FARS2: variants seen among roughly 807,000 people sequenced by gnomAD.
FARS2 encodes phenylalanyl-tRNA synthetase 2, mitochondrial.
In FARS2, 40 loss-of-function variants were observed where a neutral mutation model predicts 46.4. The ratio of observed to expected loss-of-function variants is 0.86; its 90% confidence interval spans 0.67 to 1.12. The LOEUF (loss-of-function observed/expected upper bound fraction) is 1.12. FARS2 is among the 50% of genes most tolerant of loss of function. FARS2 has a pLI of 0.00. For missense variants in FARS2, 513 were observed against 567.9 expected (o/e 0.90, Z 0.98); for synonymous variants, 234 against 214.9 (o/e 1.09, Z -0.78).
At chr6:5,572,622 G>A (rs138833184) in intron 5 of FARS2, among the ~76,000 whole-genome samples, 97 of 152,028 alleles carry the variant, frequency 6.4e-4, no homozygotes, top group African/African-American at 2.1e-3. Flanking sequence ...CCCCAAGCCC[G>A]TAACAAGTAG....
At chr6:5,654,244 C>G (rs1410982914) in intron 6 of FARS2, among the ~76,000 whole-genome samples, 1 of 152,120 alleles carries the variant, frequency 6.6e-6, no homozygotes, top group Non-Finnish European at 1.5e-5. Context: ...GACATAACAT[C>G]CTTTCTGGAC....
upstream of FARS2, among the ~76,000 whole-genome samples, chr6:5,257,633 G>A (rs1475010118): frequency 1.3e-5 from 2 of 152,202 alleles, no homozygotes; most frequent in Non-Finnish European, 2.9e-5. Flanking sequence ...TCTCCTGTCA[G>A]ATCAGCGGCG....
chr6:5,255,907 T>A, the FARS2 span, among the ~76,000 whole-genome samples: 1 of 152,208 alleles, frequency 6.6e-6, no homozygotes, highest in Admixed American at 6.5e-5. Flanking sequence ...TATTCCTAGA[T>A]AATTCATCTA....
At chr6:5,520,609 C>T (rs1769072849) in intron 4 of FARS2, among the ~76,000 whole-genome samples, 2 of 152,194 alleles carry the variant, frequency 1.3e-5, no homozygotes, top group Admixed American at 6.5e-5. Flanking sequence ...CTTCCTCTGT[C>T]ATCAGCGCAT....
At chr6:5,734,856 C>G (rs183703580) in intron 6 of FARS2, among the ~76,000 whole-genome samples, 15 of 152,236 alleles carry the variant, frequency 9.9e-5, no homozygotes, top group African/African-American at 2.2e-4. Context: ...CAATCTGAAT[C>G]TATAGTGTAG....
chr6:5,453,966 G>A (rs1052635752), intron 4 of FARS2, among the ~76,000 whole-genome samples: 3 of 152,192 alleles, frequency 2.0e-5, no homozygotes, highest in African/African-American at 7.2e-5. Context: ...TGGGCTGGAG[G>A]AGCCGAGGGA....
intron 4 of FARS2, among the ~76,000 whole-genome samples, chr6:5,522,721 C>G (rs1475922904): frequency 6.6e-6 from 1 of 152,118 alleles, no homozygotes; most frequent in East Asian, 1.9e-4. Context: ...ATTTTCTTGA[C>G]TAACTGGATG....
chr6:5,610,972 T>C lies in FARS2; in HGVS notation c.1066-2197T>C, dbSNP rs115878110. ...GCTGAATGCACTGACTGTACTGTAG[T>C]CATTGCTCACAGCAGGTGGCTCTGT... On this transcript the variant is annotated intron_variant, in intron 5 of 6. Coordinates refer to ENST00000274680, the MANE Select transcript of FARS2 (RefSeq NM_006567.5). Among the ~76,000 whole-genome samples, 562 of 152,330 alleles carry C rather than the reference T, an allele frequency of 3.7e-3. 5 individuals carry two copies. Among genetic ancestry groups the C allele is most frequent in the African/African-American group, 0.011 (473 of 41,586 alleles).
At chr6:5,281,881 C>T (rs942196444) in intron 1 of FARS2, among the ~76,000 whole-genome samples, 4 of 152,154 alleles carry the variant, frequency 2.6e-5, no homozygotes, top group Non-Finnish European at 5.9e-5. Context: ...CTTATGTGTT[C>T]ACCCGGAGTC....
At chr6:5,275,139 G>C (rs527989548) in intron 1 of FARS2, among the ~76,000 whole-genome samples, 1 of 152,306 alleles carries the variant, frequency 6.6e-6, no homozygotes, top group Admixed American at 6.5e-5. Context: ...GAATCACTGG[G>C]ATATTTTCTT....
chr6:5,360,349 A>T (rs568092554), intron 1 of FARS2, among the ~76,000 whole-genome samples: 1 of 152,186 alleles, frequency 6.6e-6, no homozygotes, highest in Non-Finnish European at 1.5e-5. Flanking sequence ...CCTGTGCCTG[A>T]CCATCTTATA....
intron 5 of FARS2, among the ~76,000 whole-genome samples, chr6:5,598,382 C>T (rs1774322757): frequency 6.6e-6 from 1 of 152,024 alleles, no homozygotes; most frequent in African/African-American, 2.4e-5. Flanking sequence ...GACCTTGTCT[C>T]CAAAATCAAT....
chr6:5,323,509 A>G (rs1203482657), intron 1 of FARS2, among the ~76,000 whole-genome samples: 1 of 152,200 alleles, frequency 6.6e-6, no homozygotes, highest in Non-Finnish European at 1.5e-5. Flanking sequence ...AGATTATACA[A>G]TTAGAGACTT....
rs78098420 is a variant in FARS2 at position 5,558,050 on chromosome 6, C to T, written c.1065+12710C>T. On this transcript the variant is annotated intron_variant, in intron 5 of 6. Transcript: ENST00000274680. ...TCTCAAATGTTGATCAGAACTAATT[C>T]AAATGGAAAAGTCAAGGTTCATATT... Among the ~76,000 whole-genome samples, 303 of 152,198 alleles carry T rather than the reference C, an allele frequency of 2.0e-3. 2 individuals are homozygous for T. The highest frequency in any genetic ancestry group is 7.1e-3 in the African/African-American group (294 of 41,482).
intron 4 of FARS2, among the ~76,000 whole-genome samples, chr6:5,501,892 G>T (rs1265696183): frequency 6.6e-6 from 1 of 152,194 alleles, no homozygotes; most frequent in Non-Finnish European, 1.5e-5. Flanking sequence ...GAGCTTGCCT[G>T]CCCCTCCAGT....
intron 6 of FARS2, among the ~76,000 whole-genome samples, chr6:5,719,908 C>G (rs913420013): frequency 1.3e-5 from 2 of 152,196 alleles, no homozygotes; most frequent in Admixed American, 6.5e-5. Flanking sequence ...TAGTGTGACA[C>G]AAACCTGTTG....
chr6:5,717,927 T>TAGAGAGAG (rs1410102835), intron 6 of FARS2, among the ~76,000 whole-genome samples: 3 of 74,244 alleles, frequency 4.0e-5, no homozygotes, highest in African/African-American at 1.1e-4. Flanking sequence ...TATATATATA[T>TAGAGAGAG]ATATATATAC....
chr6:5,485,602 A>G (rs1334514667), intron 4 of FARS2, among the ~76,000 whole-genome samples: 1 of 152,142 alleles, frequency 6.6e-6, no homozygotes, highest in South Asian at 2.1e-4. Flanking sequence ...CTGATAGTAA[A>G]TACTTTAGGC....
chr6:5,737,146 T>G (rs1761003664), intron 6 of FARS2, among the ~76,000 whole-genome samples: 1 of 152,162 alleles, frequency 6.6e-6, no homozygotes, highest in Non-Finnish European at 1.5e-5. Flanking sequence ...GAAGTAAAAC[T>G]GAGCCTCGAA....
Sources: gnomAD v4.1 joint callset for allele counts (sites outside exome capture counted in the v4.1 genomes callset) on GRCh38, gnomAD v4.1.1 for gene constraint, MANE v1.5 for transcripts, NCBI Gene and HGNC (gene_info 2026-07-23, HGNC 2026-07-21) for gene names.